The following LCK variants were observed in gnomAD, a reference collection of about 807,000 sequenced individuals.
LCK encodes LCK proto-oncogene, Src family tyrosine kinase.
In LCK, 14 loss-of-function variants were observed where a neutral mutation model predicts 64.6. The observed-to-expected ratio is 0.22, with a 90% CI of 0.14 to 0.34. The LOEUF is 0.34. Ranked by LOEUF, LCK falls within the 10% of genes least tolerant of loss-of-function variation. LCK has a pLI of 1.00. For missense variants in LCK, 434 were observed against 668.1 expected, an observed-to-expected ratio of 0.65 and a Z score of 3.86; for synonymous variants, 277 against 263.6, an observed-to-expected ratio of 1.05 and a Z score of -0.49.
intron 1 of LCK, among the ~76,000 whole-genome samples, chr1:32,255,451 C>T (rs939507914): frequency 6.6e-6 from 1 of 152,166 alleles, no homozygotes; most frequent in Middle Eastern, 3.2e-3. Flanking sequence ...ATGGTGTATG[C>T]GGGATGTCTT....
chr1:32,262,284 T>C (rs1325260662), intron 1 of LCK, among the ~76,000 whole-genome samples: 1 of 140,844 alleles, frequency 7.1e-6, no homozygotes, highest in East Asian at 2.7e-4. Context: ...GTGAATCACT[T>C]GAGGACTGGA....
chr1:32,284,654 G>A (rs1302509020), intron 12 of LCK, among the ~76,000 whole-genome samples: 3 of 152,136 alleles, frequency 2.0e-5, no homozygotes, highest in African/African-American at 7.2e-5. Context: ...ACAGGCATGA[G>A]CCACCATGCC....
At chr1:32,258,312 C>T (rs900731748) in intron 1 of LCK, among the ~76,000 whole-genome samples, 7 of 147,710 alleles carry the variant, frequency 4.7e-5, no homozygotes, top group Non-Finnish European at 4.5e-5. Context: ...AGAGAGAGAG[C>T]GGAATTAAAG....
intron 1 of LCK, among the ~76,000 whole-genome samples, chr1:32,264,722 G>C (rs1441090192): frequency 6.6e-6 from 1 of 151,932 alleles, no homozygotes; most frequent in East Asian, 1.9e-4. Flanking sequence ...TACCTACTAA[G>C]CTACCTCATT....
chr1:32,286,159 T>C lies in LCK; in HGVS notation c.*443T>C, dbSNP rs1349456701. 1 of 262,188 alleles carries C rather than the reference T, an allele frequency of 3.8e-6. No homozygotes were observed. The highest frequency in any genetic ancestry group is 2.1e-5 in the African/African-American group (1 of 47,152). 16.2% of individuals were successfully genotyped at this position (262,188 alleles called of 1,614,324 possible). ...AGTTCAATAAATGTCTGTTGATGACTGTTGTACATCTCTTTGCTGTCCACT... is the reference window on the plus strand; with the variant it reads ...AGTTCAATAAATGTCTGTTGATGACCGTTGTACATCTCTTTGCTGTCCACT... On this transcript the variant is annotated 3_prime_UTR_variant, in exon 13 of 13. Transcript: ENST00000336890.
At chr1:32,267,478 G>C (rs1047106575) in intron 1 of LCK, among the ~76,000 whole-genome samples, 1 of 152,088 alleles carries the variant, frequency 6.6e-6, no homozygotes, top group Non-Finnish European at 1.5e-5. Flanking sequence ...AACAGGAGTC[G>C]AGCTGGGCAC....
intron 12 of LCK, 80 bp from the exon 13 acceptor site, chr1:32,285,434 A>T: frequency 8.1e-7 from 1 of 1,232,384 alleles, no homozygotes; most frequent in Non-Finnish European, 1.2e-6. Flanking sequence ...ACACTGTGCC[A>T]GTTAAATATT....
chr1:32,283,917 GTC>G (rs1371703350), intron 12 of LCK, among the ~76,000 whole-genome samples: 2 of 152,052 alleles, frequency 1.3e-5, no homozygotes, highest in Admixed American at 1.3e-4. Flanking sequence ...CAGAGTCTCT[GTC>G]ACCCAGGCTG....
Position 32,275,779 on chromosome 1 carries a change from C to A in LCK, c.481+107C>A. 7.3e-7 allele frequency: 1 copy of A among 1,372,520 alleles called. No individual in the cohort carries two copies. The highest frequency in any genetic ancestry group is 1.6e-5 in the African/African-American group (1 of 63,816). The allele number at this position is 1,372,520 out of a possible 1,614,324, so 85.0% of individuals were successfully genotyped here. On this transcript the variant is annotated intron_variant, in intron 6 of 12. Coordinates refer to ENST00000336890, the MANE Select transcript of LCK (RefSeq NM_005356.5). This position sits in a 1 kb window ranked among gnomAD's most constrained non-coding sequence, Gnocchi z 6.9. The stretch of plus-strand genomic sequence containing the variant: ...AGACACGGGGTGAGTCGGAGGGGGA[C>A]GCGGGATGAGCCCGAGGTGGGGGCG...
intron 1 of LCK, 40 bp from the exon 2 acceptor site, chr1:32,274,270 GTTGGGGGAGCAGATC>G: frequency 6.2e-7 from 1 of 1,613,138 alleles, no homozygotes; most frequent in South Asian, 1.1e-5. Flanking sequence ...TATATCTGAT[GTTGGGGGAGCAGATC>G]TTGGGGGAGC....
At chr1:32,274,963 G>C in intron 3 of LCK, 30 bp from the exon 4 acceptor site, 1 of 1,614,074 alleles carries the variant, frequency 6.2e-7, no homozygotes, top group Non-Finnish European at 8.5e-7. Context: ...ATCCCAGCTC[G>C]GTTCTCCCTG....
intron 1 of LCK, among the ~76,000 whole-genome samples, chr1:32,273,677 C>T (rs372143222): frequency 1.4e-4 from 21 of 151,948 alleles, no homozygotes; most frequent in African/African-American, 4.6e-4. Flanking sequence ...ATTTCCACTG[C>T]TAAAACAGGC....
At chr1:32,258,550 G>A (rs984386088) in intron 1 of LCK, among the ~76,000 whole-genome samples, 4 of 150,712 alleles carry the variant, frequency 2.7e-5, no homozygotes, top group African/African-American at 9.8e-5. Context: ...GGGAGGCGGA[G>A]GCAGGTGGAT....
chr1:32,280,053 G>C, intron 11 of LCK, 26 bp from the exon 12 acceptor site: 7 of 1,614,098 alleles, frequency 4.3e-6, no homozygotes, highest in Non-Finnish European at 5.9e-6. Context: ...GCAGACCCAG[G>C]TGACCTCACT....
chr1:32,280,614 C>T (rs1640429931), intron 12 of LCK, among the ~76,000 whole-genome samples: 2 of 151,924 alleles, frequency 1.3e-5, no homozygotes, highest in Non-Finnish European at 2.9e-5. Flanking sequence ...TGCCACCATG[C>T]GCAGCTAATT....
At chr1:32,257,524 G>A (rs1462341421) in intron 1 of LCK, among the ~76,000 whole-genome samples, 1 of 152,032 alleles carries the variant, frequency 6.6e-6, no homozygotes, top group Admixed American at 6.6e-5. Context: ...CAAAGTGCTG[G>A]GATTATAGGT....
At chr1:32,284,012 C>T (rs1640538451) in intron 12 of LCK, among the ~76,000 whole-genome samples, 1 of 151,926 alleles carries the variant, frequency 6.6e-6, no homozygotes, top group African/African-American at 2.4e-5. Flanking sequence ...TCTCGGGTAG[C>T]TGGAATTACA....
chr1:32,265,546 G>A lies in LCK; in HGVS notation c.-5-8779G>A, dbSNP rs141691143. 9.9e-3 allele frequency among the ~76,000 whole-genome samples: 1,509 copies of A among 152,322 alleles called. 2 individuals carry two copies. The highest frequency in any genetic ancestry group is 0.011 in the Non-Finnish European group (730 of 68,032). ...TACCCTGCAAAGCTAGAGTTCCTCT[G>A]ATCTTAATTTAACATAGGCTGACTT... is the stretch of plus-strand genomic sequence containing the variant. On this transcript the variant is annotated intron_variant, in intron 1 of 12. Coordinates refer to ENST00000336890, the MANE Select transcript of LCK (RefSeq NM_005356.5).
chr1:32,270,807 G>A (rs1316821321), intron 1 of LCK, among the ~76,000 whole-genome samples: 1 of 147,406 alleles, frequency 6.8e-6, no homozygotes, highest in Non-Finnish European at 1.5e-5. Context: ...GGGTTTAAGC[G>A]ATTCTCCTGC....
Sources: allele counts gnomAD v4.1 joint callset (sites outside exome capture counted in the v4.1 genomes callset), GRCh38; gene constraint gnomAD v4.1.1; non-coding constraint Gnocchi (gnomAD v3.1); transcripts MANE v1.5; gene names NCBI Gene and HGNC (gene_info 2026-07-23, HGNC 2026-07-21).